Variants in FGF14 observed in about 807,000 individuals in gnomAD.
FGF14 encodes fibroblast growth factor 14.
FGF14 carries 5 observed loss-of-function variants against 25.5 expected under a neutral mutation model. The ratio of observed to expected loss-of-function variants is 0.20; its 90% CI spans 0.10 to 0.41. The LOEUF (loss-of-function observed/expected upper bound fraction) is 0.41, where lower values mean the gene tolerates loss of function less well. Ranked by LOEUF, FGF14 falls within the 10% of genes least tolerant of loss-of-function variation. FGF14 has a pLI of 1.00. For synonymous variants in FGF14, 138 were observed against 118.3 expected, an observed-to-expected ratio of 1.17 and a Z score of -1.08; for missense variants, 222 against 320.1, an observed-to-expected ratio of 0.69 and a Z score of 2.34.
chr13:102,198,396 G>A (rs2140865362), intron 1 of FGF14, among the ~76,000 whole-genome samples: 1 of 152,298 alleles, frequency 6.6e-6, no homozygotes, highest in Non-Finnish European at 1.5e-5. Context: ...TTTAATTGTA[G>A]CCCTCTAGAG....
At chr13:101,852,787 T>C (rs1195026056) in intron 3 of FGF14, among the ~76,000 whole-genome samples, 3 of 152,090 alleles carry the variant, frequency 2.0e-5, no homozygotes, top group Admixed American at 1.3e-4. Context: ...CAACACGATA[T>C]GCAAATAGAT....
At chr13:102,311,586 A>C (rs749836152) in intron 1 of FGF14, among the ~76,000 whole-genome samples, 1 of 152,144 alleles carries the variant, frequency 6.6e-6, no homozygotes, top group Non-Finnish European at 1.5e-5. Flanking sequence ...CCAGAACCAA[A>C]AATAAAGCTG....
intron 1 of FGF14, among the ~76,000 whole-genome samples, chr13:102,082,821 A>G (rs2607649): frequency 0.034 from 5,066 of 150,938 alleles, 249 homozygotes; most frequent in African/African-American, 0.12. Context: ...AGCCGGGCGT[A>G]GTGGCGGGCG....
chr13:101,857,339 A>G (rs2044177806), intron 3 of FGF14, among the ~76,000 whole-genome samples: 2 of 152,008 alleles, frequency 1.3e-5, no homozygotes, highest in Admixed American at 6.6e-5. Context: ...CCTCAATTAG[A>G]ACAGCAAATA....
At chr13:101,766,737 A>C (rs2038425589) in intron 3 of FGF14, among the ~76,000 whole-genome samples, 1 of 152,138 alleles carries the variant, frequency 6.6e-6, no homozygotes, top group African/African-American at 2.4e-5. Flanking sequence ...GGGTGGGCCT[A>C]AATCTCATGA....
intron 1 of FGF14, among the ~76,000 whole-genome samples, chr13:102,020,681 T>C (rs545447991): frequency 8.5e-5 from 13 of 152,166 alleles, no homozygotes; most frequent in East Asian, 1.9e-4. Context: ...AAGAGTACAA[T>C]TGAGGTTGGT....
chr13:102,318,211 C>T (rs1313933357), intron 1 of FGF14, among the ~76,000 whole-genome samples: 1 of 152,116 alleles, frequency 6.6e-6, no homozygotes, highest in African/African-American at 2.4e-5. Flanking sequence ...AAGATCTAAA[C>T]CCCTGGAAGG....
intron 1 of FGF14, among the ~76,000 whole-genome samples, chr13:101,964,522 C>G (rs139670618): frequency 2.1e-3 from 323 of 152,222 alleles, no homozygotes; most frequent in African/African-American, 7.4e-3. Flanking sequence ...GTTTTTAGAG[C>G]CTCATCATTG....
intron 1 of FGF14, among the ~76,000 whole-genome samples, chr13:101,962,767 G>A (rs1246166653): frequency 6.6e-6 from 1 of 152,080 alleles, no homozygotes; most frequent in Non-Finnish European, 1.5e-5. Context: ...TGTATTGTTT[G>A]GAGACTAAAT....
intron 1 of FGF14, among the ~76,000 whole-genome samples, chr13:102,399,347 T>C (rs2058650137): frequency 1.3e-5 from 2 of 152,198 alleles, no homozygotes; most frequent in South Asian, 2.1e-4. Flanking sequence ...CACATCTAAA[T>C]AAAAAATGTT....
At chr13:102,026,402 T>C (rs1878668975) in intron 1 of FGF14, among the ~76,000 whole-genome samples, 1 of 151,804 alleles carries the variant, frequency 6.6e-6, no homozygotes, top group Non-Finnish European at 1.5e-5. Flanking sequence ...AATATACTTA[T>C]TTCCTTGTAA....
intron 3 of FGF14, among the ~76,000 whole-genome samples, chr13:101,863,323 C>T (rs184333701): frequency 2.0e-5 from 3 of 152,186 alleles, no homozygotes; most frequent in Non-Finnish European, 4.4e-5. Flanking sequence ...AAGGCTCTTC[C>T]CCAGGATGAG....
At chr13:102,099,122 A>T (rs900759768) in intron 1 of FGF14, among the ~76,000 whole-genome samples, 3 of 152,114 alleles carry the variant, frequency 2.0e-5, no homozygotes, top group Admixed American at 2.0e-4. Flanking sequence ...CCTGCTCCCC[A>T]TCCCTTCTCA....
At chr13:102,129,175 G>A (rs546268207) in intron 1 of FGF14, among the ~76,000 whole-genome samples, 51 of 152,194 alleles carry the variant, frequency 3.4e-4, no homozygotes, top group South Asian at 1.5e-3. Context: ...ACTTGAACTC[G>A]GGAAGCAGAA....
At chr13:102,294,599 C>T (rs539002770) in intron 1 of FGF14, among the ~76,000 whole-genome samples, 8 of 152,276 alleles carry the variant, frequency 5.3e-5, no homozygotes, top group South Asian at 4.1e-4. Flanking sequence ...AACTCTGTCA[C>T]TTGTGTTTGA....
chr13:102,199,296 A>T (rs1254242755), intron 1 of FGF14, among the ~76,000 whole-genome samples: 1 of 152,206 alleles, frequency 6.6e-6, no homozygotes, highest in Non-Finnish European at 1.5e-5. Flanking sequence ...TGTTCATACA[A>T]TAGATTATCT....
At chr13:101,796,596 T>C (rs934016747) in intron 3 of FGF14, among the ~76,000 whole-genome samples, 6 of 151,958 alleles carry the variant, frequency 3.9e-5, no homozygotes, top group East Asian at 1.9e-4. Flanking sequence ...ATCATGAAGA[T>C]AGGCCCTAAT....
At chr13:102,341,457 A>C (rs2056949193) in intron 1 of FGF14, among the ~76,000 whole-genome samples, 1 of 152,180 alleles carries the variant, frequency 6.6e-6, no homozygotes, top group Non-Finnish European at 1.5e-5. Flanking sequence ...AGACAATAGC[A>C]GGCTTTGAAG....
At chr13:102,371,947 T>C (rs74112334) in intron 1 of FGF14, among the ~76,000 whole-genome samples, 6,279 of 152,284 alleles carry the variant, frequency 0.041, 393 homozygotes, top group African/African-American at 0.13. Flanking sequence ...CTCTTTAATA[T>C]GCCTTAAGTA....
Sources: allele counts gnomAD v4.1 joint callset (sites outside exome capture counted in the v4.1 genomes callset), GRCh38; gene constraint gnomAD v4.1.1; transcripts MANE v1.5; gene names NCBI Gene and HGNC (gene_info 2026-07-23, HGNC 2026-07-21).